The following VWA5B1 variants were observed in gnomAD, a reference collection of about 807,000 sequenced individuals.
The protein encoded by VWA5B1 is von Willebrand factor A domain-containing protein 5B1.
A neutral mutation model predicts 118.2 loss-of-function variants in VWA5B1; 115 were observed. That is an observed-to-expected ratio of 0.97 (90% CI 0.84 to 1.14). The LOEUF (loss-of-function observed/expected upper bound fraction) is 1.14. Among genes scored for constraint, VWA5B1 ranks in the 50% most tolerant of loss-of-function variants. VWA5B1 has a pLI of 0.00. For missense variants in VWA5B1, 1,596 were observed against 1,603.8 expected (o/e 1.00, Z 0.08); for synonymous variants, 682 against 658.4 (o/e 1.04, Z -0.55).
intron 12 of VWA5B1, among the ~76,000 whole-genome samples, chr1:20,334,538 C>T (rs112466056): frequency 0.11 from 16,298 of 152,254 alleles, 1,004 homozygotes; most frequent in Admixed American, 0.14. Flanking sequence ...AGGCCGGGCA[C>T]GATGGCTCAC....
At chr1:20,323,675 T>C (rs2089291862) in intron 8 of VWA5B1, 143 bp downstream of exon 8, 1 of 887,330 alleles carries the variant, frequency 1.1e-6, no homozygotes, top group African/African-American at 1.7e-5. Context: ...CAAACTCCAT[T>C]TGCATCCCCA....
intron 15 of VWA5B1, among the ~76,000 whole-genome samples, 165 bp from the exon 16 acceptor site, chr1:20,342,914 C>T (rs899099190): frequency 9.2e-5 from 14 of 152,174 alleles, no homozygotes; most frequent in African/African-American, 3.4e-4. Flanking sequence ...CCCATGCCCC[C>T]GCAGCTGTCC....
intron 1 of VWA5B1, among the ~76,000 whole-genome samples, chr1:20,304,328 CT>C (rs34611811): frequency 2.1e-4 from 32 of 152,204 alleles, no homozygotes; most frequent in African/African-American, 6.5e-4. Context: ...AGGAACAAGA[CT>C]TTGAAGGCAA....
chr1:20,322,290 C>A (rs571187567), intron 7 of VWA5B1, among the ~76,000 whole-genome samples: 90 of 152,164 alleles, frequency 5.9e-4, no homozygotes, highest in Middle Eastern at 3.4e-3. Flanking sequence ...AACTGAGAAA[C>A]AGACACAGAG....
intron 1 of VWA5B1, among the ~76,000 whole-genome samples, chr1:20,300,504 G>C (rs1043035792): frequency 1.3e-5 from 2 of 152,158 alleles, no homozygotes; most frequent in Non-Finnish European, 2.9e-5. Flanking sequence ...TAAGTATAGA[G>C]GGTGATGAAT....
At chr1:20,292,064 TTCTTTCTTTTTCTC>T (rs2088318112) in intron 1 of VWA5B1, among the ~76,000 whole-genome samples, 1 of 152,220 alleles carries the variant, frequency 6.6e-6, no homozygotes, top group Non-Finnish European at 1.5e-5. Context: ...CTTTTGCTTT[TTCTTTCTTTTTCTC>T]TCTTTCTTTT....
At chr1:20,330,678 T>A (rs1428364783) in intron 10 of VWA5B1, among the ~76,000 whole-genome samples, 191 bp from the exon 11 acceptor site, 1 of 152,216 alleles carries the variant, frequency 6.6e-6, no homozygotes. Context: ...ATTAATGGAC[T>A]GTCTGTGGGT....
chr1:20,321,597 T>C (rs2089218929), intron 7 of VWA5B1, among the ~76,000 whole-genome samples: 3 of 151,782 alleles, frequency 2.0e-5, no homozygotes, highest in Admixed American at 6.6e-5. Flanking sequence ...AAAATAAAAA[T>C]AAAAAAGCAA....
At chr1:20,302,783 G>A (rs1047521825) in intron 1 of VWA5B1, among the ~76,000 whole-genome samples, 4 of 152,134 alleles carry the variant, frequency 2.6e-5, no homozygotes, top group African/African-American at 9.7e-5. Flanking sequence ...TGGCCTTGAA[G>A]GATGGCTAAG....
rs1193407219 is a variant in VWA5B1 at position 20,355,791 on chromosome 1, G to A, written c.*1528G>A. On this transcript the variant is annotated 3_prime_UTR_variant, in exon 22 of 22. Transcript: ENST00000289815. ...AAAAGCAGCCCCAACATGATATGGT[G>A]CCCTGCCCCCCACCCCCACCCCTCC... is the stretch of plus-strand genomic sequence containing the variant. 6.6e-6 allele frequency among the ~76,000 whole-genome samples: 1 copy of A among 151,948 alleles called. No homozygotes were observed. The highest frequency in any genetic ancestry group is 1.5e-5 in the Non-Finnish European group (1 of 67,958).
chr1:20,336,507 A>T (rs2089722512), intron 13 of VWA5B1, 21 bp downstream of exon 13: 4 of 1,341,272 alleles, frequency 3.0e-6, no homozygotes, highest in Non-Finnish European at 1.9e-6. Context: ...GGCTCTGATG[A>T]TTGCTGCCTT....
chr1:20,339,398 C>T (rs906667894), intron 14 of VWA5B1, among the ~76,000 whole-genome samples: 2 of 152,022 alleles, frequency 1.3e-5, no homozygotes, highest in African/African-American at 4.8e-5. Flanking sequence ...AAAAATTAGC[C>T]GGGTGTGGTG....
intron 12 of VWA5B1, 147 bp downstream of exon 12, chr1:20,333,098 G>C (rs1441177560): frequency 2.0e-6 from 2 of 1,002,772 alleles, no homozygotes; most frequent in African/African-American, 1.6e-5. Flanking sequence ...CCAGTTGTGG[G>C]TTTACAGTTG....
chr1:20,319,405 A>G lies in VWA5B1; in HGVS notation c.865A>G (p.Ile289Val). 6.4e-7 allele frequency: 1 copy of G among 1,551,756 alleles called. No homozygotes were observed. The highest frequency in any genetic ancestry group is 1.4e-5 in the African/African-American group (1 of 73,176). The change falls in exon 7 of 22, where the codon ATA becomes GTA. Residue 289 changes from isoleucine to valine, a missense_variant. Physicochemically the swap from Ile to Val is conservative, Grantham distance 29. Transcript: ENST00000289815. Reference protein sequence around the residue: ...PSEPHMPHVLIEKGDMTLGEF... With the variant: ...PSEPHMPHVLVEKGDMTLGEF... ...AGAGCCCCATATGCCCCATGTCCTG[A>G]TAGAGAAAGGGGACATGACCCTGGG...
Position 20,357,936 on chromosome 1 carries a change from C to T in VWA5B1, c.*3673C>T, listed in dbSNP as rs1374059243. 1.3e-5 allele frequency among the ~76,000 whole-genome samples: 2 copies of T among 152,150 alleles called. No individual in the cohort carries two copies. The highest frequency in any genetic ancestry group is 2.9e-5 in the Non-Finnish European group (2 of 68,034). On this transcript the variant is annotated 3_prime_UTR_variant, in exon 22 of 22. Coordinates refer to ENST00000289815, the MANE Select transcript of VWA5B1 (RefSeq NM_001039500.3). Reference sequence around the variant, plus strand: ...CTTGTCCAGGTGGAGCAGGAATGTCCCTGCAACAGAGTGCCCCGAGGGCCC... The same window carrying T: ...CTTGTCCAGGTGGAGCAGGAATGTCTCTGCAACAGAGTGCCCCGAGGGCCC...
chr1:20,325,849 G>T (rs1170916750), intron 8 of VWA5B1, among the ~76,000 whole-genome samples: 3 of 152,200 alleles, frequency 2.0e-5, no homozygotes, highest in African/African-American at 2.4e-5. Flanking sequence ...CCACTGGAAG[G>T]TTGCTTGGGT....
At position 20,318,788 on chromosome 1, in the gene VWA5B1, C is replaced by T. The variant is rs189143640; in HGVS notation, c.841+67C>T. The T allele has an allele frequency of 3.5e-4, 506 of 1,426,846 alleles. 6 individuals carry two copies. The Admixed American group carries it at 0.014, about 38-fold the overall frequency. The allele number at this position is 1,426,846 out of a possible 1,614,324, so 88.4% of individuals were successfully genotyped here. ...GGAGGAGGTGCTGATCCTGTGGGGA[C>T]AGAACATGTGGCCCCCCGCCCAGCA... On this transcript the variant is annotated intron_variant, in intron 6 of 21. Coordinates refer to ENST00000289815, the MANE Select transcript of VWA5B1 (RefSeq NM_001039500.3).
intron 12 of VWA5B1, among the ~76,000 whole-genome samples, chr1:20,335,269 T>C (rs2089680243): frequency 6.6e-6 from 1 of 152,224 alleles, no homozygotes; most frequent in Non-Finnish European, 1.5e-5. Flanking sequence ...GAACTGATGA[T>C]GCCACTGCAC....
At chr1:20,327,687 G>C (rs2089428573) in intron 8 of VWA5B1, among the ~76,000 whole-genome samples, 1 of 151,888 alleles carries the variant, frequency 6.6e-6, no homozygotes, top group South Asian at 2.1e-4. Flanking sequence ...TGGTGGTGGT[G>C]GTGGTGGTGG....
Sources: gnomAD v4.1 joint callset for allele counts (sites outside exome capture counted in the v4.1 genomes callset) on GRCh38, gnomAD v4.1.1 for gene constraint, MANE v1.5 for transcripts, NCBI Gene and HGNC (gene_info 2026-07-23, HGNC 2026-07-21) for gene names.